Variants in LEPR observed in about 807,000 individuals in gnomAD.
LEPR encodes OB receptor.
Under a neutral mutation model 114.7 loss-of-function variants are expected in LEPR, and 56 were observed. The ratio of observed to expected loss-of-function variants is 0.49; its 90% confidence interval spans 0.39 to 0.61. The LOEUF (loss-of-function observed/expected upper bound fraction) is 0.61. Among genes scored for constraint, LEPR ranks in the 20% least tolerant of loss-of-function variants. LEPR has a pLI of 0.00. For synonymous variants in LEPR, 443 were observed against 461.4 expected (o/e 0.96, Z 0.51); for missense variants, 1,202 against 1,352.9 (o/e 0.89, Z 1.75).
chr1:65,634,531 T>C (rs560167511), intron 19 of LEPR: 1 of 939,792 alleles, frequency 1.1e-6, no homozygotes, highest in African/African-American at 1.8e-5. Flanking sequence ...ATTTCAATAG[T>C]ATATGAGTAT....
rs963054970 is a variant in LEPR at position 65,637,666 on chromosome 1, T to A, written c.*651T>A. Reference sequence around the variant, plus strand: ...AACATAATGTCAGTTTTAATTCTTCTCTCTGAAAGATGTTGAAGTGGTCAC... The same window carrying A: ...AACATAATGTCAGTTTTAATTCTTCACTCTGAAAGATGTTGAAGTGGTCAC... On this transcript the variant is annotated 3_prime_UTR_variant, in exon 20 of 20. Coordinates refer to ENST00000349533, the MANE Select transcript of LEPR (RefSeq NM_002303.6). 1.3e-4 allele frequency: 20 copies of A among 152,370 alleles called. No homozygotes were observed. Among genetic ancestry groups the A allele is most frequent in the African/African-American group, 3.6e-4 (15 of 41,580 alleles). The allele number at this position is 152,370 out of a possible 1,614,324, so 9.4% of individuals were successfully genotyped here. A position where few individuals can be genotyped will look rare whatever the true frequency, so the allele number is the denominator to read the frequency against.
At chr1:65,620,067 C>A in intron 17 of LEPR, 44 bp downstream of exon 17, 1 of 1,447,282 alleles carries the variant, frequency 6.9e-7, no homozygotes, top group African/African-American at 1.4e-5. Flanking sequence ...AATGTGTGTG[C>A]CTAATTTGTT....
intron 2 of LEPR, among the ~76,000 whole-genome samples, chr1:65,552,236 G>A (rs1191910676): frequency 6.6e-6 from 1 of 152,138 alleles, no homozygotes. Flanking sequence ...TTGGTCCAGA[G>A]CTGAGTTCAA....
At position 65,517,187 on chromosome 1, in the gene LEPR, A is replaced by G. The variant is rs576016376; in HGVS notation, c.-20-48359A>G. Among the ~76,000 whole-genome samples the G allele has an allele frequency of 2.6e-5, 4 of 152,346 alleles. No homozygotes were observed. The East Asian group carries it at 7.7e-4, about 29-fold the overall frequency. On this transcript the variant is annotated intron_variant, in intron 2 of 19. Coordinates refer to ENST00000349533, the MANE Select transcript of LEPR (RefSeq NM_002303.6). ...AACTTTGGTAAATACTCCTGTAACT[A>G]TAGATACTGGTGGTTCCTGCAGGGT...
chr1:65,593,209 A>C (rs1279889456), intron 6 of LEPR, among the ~76,000 whole-genome samples: 2 of 152,118 alleles, frequency 1.3e-5, no homozygotes, highest in Non-Finnish European at 2.9e-5. Context: ...TTCAATAAAT[A>C]TTTCTTAGAG....
intron 2 of LEPR, among the ~76,000 whole-genome samples, chr1:65,557,181 A>C (rs893365337): frequency 3.9e-5 from 6 of 152,034 alleles, no homozygotes; most frequent in Admixed American, 3.9e-4. Context: ...TTAATCAATA[A>C]TTTTCTTAGT....
At chr1:65,626,036 C>T in intron 19 of LEPR, 2 of 1,222,484 alleles carry the variant, frequency 1.6e-6, no homozygotes, top group Non-Finnish European at 2.4e-6. Flanking sequence ...AGTGGTTTCT[C>T]AGTGTTCAGG....
intron 5 of LEPR, among the ~76,000 whole-genome samples, chr1:65,591,151 A>C (rs1215351235): frequency 6.6e-6 from 1 of 152,030 alleles, no homozygotes; most frequent in Non-Finnish European, 1.5e-5. Context: ...GGGCCTTTCC[A>C]AATATCTTTC....
chr1:65,621,311 T>TC, intron 17 of LEPR, 42 bp from the exon 18 acceptor site: 1 of 1,541,556 alleles, frequency 6.5e-7, no homozygotes, highest in Non-Finnish European at 9.0e-7. Context: ...AATTAATATT[T>TC]CCTCAAGTTT....
At position 65,601,488 on chromosome 1, in the gene LEPR, A is replaced by G. The variant is rs1260563163; in HGVS notation, c.1091A>G (p.Lys364Arg). ...YKKENKIVPSKEIVWWMNLAE... is the reference protein window; with the variant it reads ...YKKENKIVPSREIVWWMNLAE... ...AAGGAAAACAAGATTGTTCCCTCAA[A>G]AGAGATTGTTTGGTGGATGAATTTA... Residue 364 changes from lysine (K) to arginine (R), a missense_variant, in exon 9 of 20, where the codon AAA becomes AGA. Transcript: ENST00000349533. 1.2e-6 allele frequency: 2 copies of G among 1,613,640 alleles called. No individual in the cohort carries two copies. The highest frequency in any genetic ancestry group is 4.5e-5 in the East Asian group (2 of 44,850).
intron 2 of LEPR, among the ~76,000 whole-genome samples, chr1:65,482,721 C>T (rs1647279261): frequency 6.6e-6 from 1 of 152,144 alleles, no homozygotes; most frequent in Non-Finnish European, 1.5e-5. Context: ...GGTGCGATGG[C>T]TCAAGCCTGT....
intron 2 of LEPR, among the ~76,000 whole-genome samples, chr1:65,451,393 G>A (rs954178044): frequency 9.9e-5 from 15 of 152,060 alleles, no homozygotes; most frequent in Non-Finnish European, 2.1e-4. Context: ...TTTTCTTCTA[G>A]GGTTTTTATG....
intron 2 of LEPR, among the ~76,000 whole-genome samples, chr1:65,548,958 T>C (rs1382458864): frequency 3.3e-5 from 5 of 152,200 alleles, no homozygotes; most frequent in Non-Finnish European, 5.9e-5. Flanking sequence ...AGTTGTTCCT[T>C]TCCATGTTTA....
intron 5 of LEPR, among the ~76,000 whole-genome samples, chr1:65,580,673 A>G (rs939622994): frequency 6.6e-6 from 1 of 152,094 alleles, no homozygotes; most frequent in African/African-American, 2.4e-5. Context: ...AGGTTCTACA[A>G]CACAGACTCA....
In LEPR at chr1:65,576,807, A is replaced by G. The variant is rs1318269719; in HGVS notation, c.494+4358A>G. The stretch of plus-strand genomic sequence containing the variant: ...CCATATGGTCCCCTTTTTTTGGAAA[A>G]TGTGTCCTACTGTAGAGCAAGGCAT... On this transcript the variant is annotated intron_variant, in intron 5 of 19. Transcript: ENST00000349533. 2.1e-5 allele frequency: 5 copies of G among 240,960 alleles called. No homozygotes were observed. The East Asian group carries it at 5.4e-4, about 26-fold the overall frequency. The allele number at this position is 240,960 out of a possible 1,614,324, so 14.9% of individuals were successfully genotyped here. A position where few individuals can be genotyped will look rare whatever the true frequency, so the allele number is the denominator to read the frequency against.
chr1:65,552,620 A>T (rs1201281041), intron 2 of LEPR, among the ~76,000 whole-genome samples: 1 of 152,018 alleles, frequency 6.6e-6, no homozygotes, highest in Non-Finnish European at 1.5e-5. Flanking sequence ...AAGGCATGTG[A>T]GACTGGTCTC....
intron 2 of LEPR, among the ~76,000 whole-genome samples, chr1:65,447,534 C>CTTTTT (rs576747673): frequency 7.4e-6 from 1 of 135,630 alleles, no homozygotes; most frequent in African/African-American, 2.7e-5. Context: ...TTTTTCTTTT[C>CTTTTT]TTTTTTTTTT....
chr1:65,579,222 C>G (rs1410999249), intron 5 of LEPR, among the ~76,000 whole-genome samples: 1 of 152,114 alleles, frequency 6.6e-6, no homozygotes, highest in Admixed American at 6.5e-5. Context: ...TTATAAATCT[C>G]TAGAGGCCTG....
Position 65,636,544 on chromosome 1 carries a change from C to G in LEPR, c.3027C>G (p.Val1009=), listed in dbSNP as rs1400953212. The change falls in exon 20 of 20, where the codon GTC becomes GTG. Residue 1009 remains valine (V), a synonymous_variant. Transcript: ENST00000349533. ...AACAAGGGCTTATAAATAGTTCAGTCACCAAGTGCTTCTCTAGCAAAAATT... is the reference window on the plus strand; with the variant it reads ...AACAAGGGCTTATAAATAGTTCAGTGACCAAGTGCTTCTCTAGCAAAAATT... ...GEEQGLINSS[V]TKCFSSKNSP... is the part of the protein sequence containing the mutation. The G allele has an allele frequency of 9.3e-6, 15 of 1,613,942 alleles. No individual in the cohort carries two copies. The highest frequency in any genetic ancestry group is 1.3e-5 in the African/African-American group (1 of 74,918).
Sources: allele counts gnomAD v4.1 joint callset (sites outside exome capture counted in the v4.1 genomes callset), GRCh38; gene constraint gnomAD v4.1.1; transcripts MANE v1.5; gene names NCBI Gene and HGNC (gene_info 2026-07-23, HGNC 2026-07-21).